KCNQ5: variants seen among roughly 807,000 people sequenced by gnomAD.
KCNQ5 encodes the protein potassium voltage-gated channel subfamily KQT member 5.
KCNQ5 carries 30 observed loss-of-function variants against 98.2 expected under a neutral mutation model. That is an observed-to-expected ratio of 0.31 (90% CI 0.23 to 0.41). KCNQ5 has a LOEUF of 0.41. Among genes scored for constraint, KCNQ5 ranks in the 10% least tolerant of loss-of-function variants. KCNQ5 has a pLI of 1.00. For missense variants in KCNQ5, 835 were observed against 1,182.5 expected, an observed-to-expected ratio of 0.71 and a Z score of 4.31; for synonymous variants, 458 against 449.4, an observed-to-expected ratio of 1.02 and a Z score of -0.24.
At chr6:72,922,838 A>T (rs1203977741) in intron 1 of KCNQ5, among the ~76,000 whole-genome samples, 1 of 100,332 alleles carries the variant, frequency 1.0e-5, no homozygotes, top group Non-Finnish European at 1.9e-5. Flanking sequence ...TTGAGATGGA[A>T]TCTCACTCTG....
chr6:72,901,583 A>G (rs1361209999), intron 1 of KCNQ5, among the ~76,000 whole-genome samples: 1 of 152,308 alleles, frequency 6.6e-6, no homozygotes, highest in African/African-American at 2.4e-5. Flanking sequence ...CAATTATCCC[A>G]GCACCATTTG....
intron 1 of KCNQ5, among the ~76,000 whole-genome samples, chr6:72,998,119 G>C (rs1277020452): frequency 6.6e-6 from 1 of 152,190 alleles, no homozygotes; most frequent in African/African-American, 2.4e-5. Flanking sequence ...TGACTCCAGT[G>C]CTTCCCTCTG....
intron 1 of KCNQ5, among the ~76,000 whole-genome samples, chr6:72,844,385 T>C (rs1374628872): frequency 6.6e-6 from 1 of 152,204 alleles, no homozygotes; most frequent in Non-Finnish European, 1.5e-5. Context: ...CTTTGGTAAA[T>C]AGGAGAATCA....
intron 1 of KCNQ5, among the ~76,000 whole-genome samples, chr6:72,698,930 A>G (rs771009003): frequency 5.3e-5 from 8 of 152,060 alleles, no homozygotes; most frequent in Non-Finnish European, 1.2e-4. Context: ...CAGTGCTGGG[A>G]TTACAGGTGT....
At chr6:72,816,024 G>T (rs1362862319) in intron 1 of KCNQ5, among the ~76,000 whole-genome samples, 4 of 152,132 alleles carry the variant, frequency 2.6e-5, no homozygotes, top group Admixed American at 2.0e-4. Flanking sequence ...AGAGGCTTAA[G>T]GCCATTTCCT....
intron 1 of KCNQ5, among the ~76,000 whole-genome samples, chr6:72,841,471 A>T (rs1776789336): frequency 6.6e-6 from 1 of 152,146 alleles, no homozygotes; most frequent in African/African-American, 2.4e-5. Context: ...ATTGATGACA[A>T]CTGGAGTGGA....
At chr6:72,808,040 G>A (rs1775041372) in intron 1 of KCNQ5, among the ~76,000 whole-genome samples, 1 of 152,154 alleles carries the variant, frequency 6.6e-6, no homozygotes, top group Non-Finnish European at 1.5e-5. Flanking sequence ...GAAGAGTTAG[G>A]AGGAGACAGA....
intron 1 of KCNQ5, among the ~76,000 whole-genome samples, chr6:72,801,612 T>C (rs1262724606): frequency 1.5e-5 from 2 of 130,020 alleles, no homozygotes; most frequent in Non-Finnish European, 3.2e-5. Context: ...AATTGGAGCA[T>C]TTAGTCCATT....
intron 10 of KCNQ5, among the ~76,000 whole-genome samples, chr6:73,157,365 C>T (rs189735233): frequency 2.0e-5 from 3 of 152,240 alleles, no homozygotes; most frequent in South Asian, 2.1e-4. Context: ...AGGAAGGAGT[C>T]CACTGTGTCA....
At chr6:73,191,817 T>G (rs1033270593) in intron 12 of KCNQ5, among the ~76,000 whole-genome samples, 2 of 152,220 alleles carry the variant, frequency 1.3e-5, no homozygotes, top group African/African-American at 4.8e-5. Flanking sequence ...GTACTGCCTA[T>G]GTTTCTCTTC....
chr6:73,162,245 T>C (rs1777643105), intron 10 of KCNQ5, among the ~76,000 whole-genome samples: 1 of 152,130 alleles, frequency 6.6e-6, no homozygotes, highest in Admixed American at 6.5e-5. Context: ...TCTTTTTAAA[T>C]GTCAGGGAAC....
chr6:72,643,619 A>G (rs1278555661), intron 1 of KCNQ5, among the ~76,000 whole-genome samples: 1 of 152,160 alleles, frequency 6.6e-6, no homozygotes, highest in Non-Finnish European at 1.5e-5. Flanking sequence ...ATGCTCAAAC[A>G]GTAAGTGTCT....
intron 2 of KCNQ5, among the ~76,000 whole-genome samples, chr6:73,004,573 A>G (rs1316981058): frequency 6.6e-6 from 1 of 152,232 alleles, no homozygotes; most frequent in Non-Finnish European, 1.5e-5. Flanking sequence ...TCAACCACAC[A>G]GAATTGCTCA....
chr6:73,105,735 A>T (rs180957681), intron 6 of KCNQ5, among the ~76,000 whole-genome samples: 34 of 152,352 alleles, frequency 2.2e-4, no homozygotes, highest in Admixed American at 2.2e-3. Context: ...TACTTAAGAG[A>T]CAGATGTGCA....
chr6:72,706,683 C>T (rs1026178799), intron 1 of KCNQ5, among the ~76,000 whole-genome samples: 1 of 152,064 alleles, frequency 6.6e-6, no homozygotes, highest in African/African-American at 2.4e-5. Flanking sequence ...TCATAGAGGC[C>T]TTCCTTGAAA....
intron 1 of KCNQ5, among the ~76,000 whole-genome samples, chr6:72,972,271 A>G (rs1186368026): frequency 1.3e-5 from 2 of 152,334 alleles, no homozygotes; most frequent in Admixed American, 6.5e-5. Flanking sequence ...AAAGACTTGC[A>G]TTATCTATTT....
chr6:73,005,240 G>A lies in KCNQ5; in HGVS notation c.489+1242G>A, dbSNP rs377215990. Among the ~76,000 whole-genome samples the A allele has an allele frequency of 8.5e-5, 13 of 152,330 alleles. No homozygotes were observed. In the East Asian group the frequency reaches 2.3e-3, roughly 27 times the overall value. On this transcript the variant is annotated intron_variant, in intron 2 of 13. Coordinates refer to ENST00000370398, the MANE Select transcript of KCNQ5 (RefSeq NM_019842.4). ...CATCAGAGATCTGTTCCATTTGCAA[G>A]CTTTCCCTTTGGGTAGAAAGTAGGC...
intron 1 of KCNQ5, among the ~76,000 whole-genome samples, chr6:72,782,895 T>C (rs1252259462): frequency 6.6e-6 from 1 of 152,168 alleles, no homozygotes; most frequent in Non-Finnish European, 1.5e-5. Context: ...TTTCAATGAA[T>C]GAATCAATGA....
intron 1 of KCNQ5, among the ~76,000 whole-genome samples, chr6:72,951,063 C>T (rs1766779434): frequency 6.6e-6 from 1 of 151,926 alleles, no homozygotes; most frequent in Non-Finnish European, 1.5e-5. Flanking sequence ...TTCCCAGATC[C>T]CAAAAAAATC....
Sources: gnomAD v4.1 joint callset for allele counts (sites outside exome capture counted in the v4.1 genomes callset) on GRCh38, gnomAD v4.1.1 for gene constraint, MANE v1.5 for transcripts, NCBI Gene and HGNC (gene_info 2026-07-23, HGNC 2026-07-21) for gene names.